Variants in FARP1 observed in about 807,000 individuals in gnomAD.
FARP1 encodes FERM, ARH/RhoGEF and pleckstrin domain protein 1.
Under a neutral mutation model 128.8 loss-of-function variants are expected in FARP1, and 52 were observed. That is an observed-to-expected ratio of 0.40 (90% CI 0.32 to 0.51). FARP1 has a LOEUF of 0.51. FARP1 is among the 20% of genes least tolerant of loss of function. The probability of loss-of-function intolerance (pLI) is 0.45; values close to 1 mark genes in which losing one functional copy is unlikely to be tolerated. For missense variants in FARP1, 1,333 were observed against 1,367.9 expected (o/e 0.97, Z 0.40); for synonymous variants, 580 against 551.8 (o/e 1.05, Z -0.72).
Position 98,448,256 on chromosome 13 carries a change from G to C in FARP1, c.3077G>C (p.Ser1026Thr). 1 of 1,614,072 alleles carries C rather than the reference G, an allele frequency of 6.2e-7. No individual in the cohort carries two copies. The highest frequency in any genetic ancestry group is 8.5e-7 in the Non-Finnish European group (1 of 1,179,928). Residue 1026 changes from serine to threonine, a missense_variant, in exon 27 of 27, where the codon AGT (serine) becomes ACT (threonine). Physicochemically the swap from Ser to Thr is moderately conservative, Grantham distance 58. Around this residue, in one of 2 missense-constraint regions of FARP1, gnomAD observed 1,009 missense variants for 969.8 expected, o/e 1.04. Coordinates refer to ENST00000319562, the MANE Select transcript of FARP1 (RefSeq NM_005766.4). ...TFERWMEVIR[S>T]ATSSASRPHV... The stretch of plus-strand genomic sequence containing the variant: ...TGCAGGTGGATGGAAGTGATCCGCA[G>C]TGCCACCAGCTCTGCCTCGCGACCC...
intron 13 of FARP1, among the ~76,000 whole-genome samples, chr13:98,408,984 A>C (rs1891084292): frequency 6.6e-6 from 1 of 152,232 alleles, no homozygotes; most frequent in Non-Finnish European, 1.5e-5. Flanking sequence ...TCTCATTGTG[A>C]CATAGACACT....
chr13:98,152,638 C>G (rs1186967196), intron 1 of FARP1, among the ~76,000 whole-genome samples: 4 of 152,140 alleles, frequency 2.6e-5, no homozygotes, highest in Non-Finnish European at 5.9e-5. Context: ...TCTCGTCGTA[C>G]TTGAGTTGGG....
intron 2 of FARP1, among the ~76,000 whole-genome samples, chr13:98,226,474 A>G (rs1007557380): frequency 2.3e-5 from 3 of 133,090 alleles, no homozygotes; most frequent in African/African-American, 2.9e-5. Flanking sequence ...TTAGGACTTC[A>G]TCTTTTTTTT....
At chr13:98,395,033 C>A (rs1392021415) in intron 12 of FARP1, among the ~76,000 whole-genome samples, 194 bp from the exon 13 acceptor site, 1 of 152,206 alleles carries the variant, frequency 6.6e-6, no homozygotes, top group East Asian at 1.9e-4. Context: ...TCAGCCGCCA[C>A]GCCCTGAAGG....
At chr13:98,252,829 G>A (rs1883410232) in intron 2 of FARP1, among the ~76,000 whole-genome samples, 1 of 152,166 alleles carries the variant, frequency 6.6e-6, no homozygotes, top group South Asian at 2.1e-4. Context: ...GACCCAGTGA[G>A]CCCCGGTGAT....
At chr13:98,410,902 G>A (rs1891166041) in intron 15 of FARP1, 79 bp downstream of exon 15, 1 of 691,326 alleles carries the variant, frequency 1.4e-6, no homozygotes, top group Admixed American at 2.5e-5. Flanking sequence ...GGAGGCTGGA[G>A]CTAATTAAAT....
At chr13:98,443,056 C>T (rs1321307231) in intron 24 of FARP1, among the ~76,000 whole-genome samples, 1 of 152,256 alleles carries the variant, frequency 6.6e-6, no homozygotes, top group Non-Finnish European at 1.5e-5. Context: ...ATGATCAGGT[C>T]AAGGCACTGA....
At chr13:98,395,610 A>C in intron 13 of FARP1, 134 bp downstream of exon 13, 1 of 1,094,284 alleles carries the variant, frequency 9.1e-7, no homozygotes, top group Non-Finnish European at 1.3e-6. Context: ...CCCGGTCCCA[A>C]ACAAATGACA....
Position 98,178,145 on chromosome 13 carries a change from C to T in FARP1, c.-24+34653C>T, listed in dbSNP as rs1257922255. 2.0e-5 allele frequency among the ~76,000 whole-genome samples: 3 copies of T among 151,854 alleles called. No individual in the cohort carries two copies. In the South Asian group the frequency reaches 6.2e-4, roughly 32 times the overall value. On this transcript the variant is annotated intron_variant, in intron 1 of 26. Coordinates refer to ENST00000319562, the MANE Select transcript of FARP1 (RefSeq NM_005766.4). ...TGGAAATTGGCTGTCCCCTGCCTGG[C>T]CCCTCCACACGCCAATTCCTGGTAC...
intron 2 of FARP1, among the ~76,000 whole-genome samples, chr13:98,319,075 G>T (rs145254058): frequency 0.04 from 5,987 of 149,016 alleles, 207 homozygotes; most frequent in African/African-American, 0.094. Flanking sequence ...CAGTCCTCCC[G>T]CCTCAGCCTC....
intron 2 of FARP1, among the ~76,000 whole-genome samples, chr13:98,261,842 T>C (rs1353366605): frequency 2.6e-5 from 4 of 152,082 alleles, no homozygotes; most frequent in African/African-American, 4.8e-5. Context: ...GGGGAGGGCA[T>C]CAAGCCATTC....
intron 3 of FARP1, among the ~76,000 whole-genome samples, chr13:98,349,674 A>G (rs578157261): frequency 0.019 from 1,310 of 69,200 alleles, 24 homozygotes; most frequent in African/African-American, 0.079. Flanking sequence ...ATCTCAGGGA[A>G]AAAAAAAAAA....
At chr13:98,336,566 C>G (rs1354129001) in intron 2 of FARP1, among the ~76,000 whole-genome samples, 1 of 152,180 alleles carries the variant, frequency 6.6e-6, no homozygotes, top group African/African-American at 2.4e-5. Flanking sequence ...GCCACTGTGC[C>G]CGGCCTAGAA....
In FARP1 at chr13:98,200,802, G is replaced by A. The variant is rs79569420; in HGVS notation, c.-23-12418G>A. Among the ~76,000 whole-genome samples, 744 of 152,236 alleles carry A rather than the reference G, an allele frequency of 4.9e-3. 8 individuals are homozygous for A. The highest frequency in any genetic ancestry group is 0.017 in the African/African-American group (697 of 41,548). On this transcript the variant is annotated intron_variant, in intron 1 of 26. Coordinates refer to ENST00000319562, the MANE Select transcript of FARP1 (RefSeq NM_005766.4). ...TGAGTATTTTTTTCCTAAACCATTG[G>A]ATCAGGAAAGTCTTTCTGGGTGAGG...
At chr13:98,435,882 C>T (rs536465387) in intron 19 of FARP1, 176 bp downstream of exon 19, 35 of 731,100 alleles carry the variant, frequency 4.8e-5, no homozygotes, top group African/African-American at 4.2e-4. Flanking sequence ...TCATTGTGTT[C>T]GGAGGAGATA....
intron 2 of FARP1, among the ~76,000 whole-genome samples, chr13:98,305,501 CTT>C (rs1302678489): frequency 6.6e-6 from 1 of 151,972 alleles, no homozygotes; most frequent in African/African-American, 2.4e-5. Context: ...GCCCAGCTAA[CTT>C]TTGTATTTTT....
intron 1 of FARP1, among the ~76,000 whole-genome samples, chr13:98,181,246 C>T (rs1223196984): frequency 2.0e-5 from 3 of 152,198 alleles, no homozygotes; most frequent in Non-Finnish European, 4.4e-5. Context: ...GTAATTCTGT[C>T]AGCTCACATG....
intron 2 of FARP1, among the ~76,000 whole-genome samples, chr13:98,327,128 G>A (rs376298838): frequency 7.9e-5 from 12 of 152,168 alleles, no homozygotes; most frequent in African/African-American, 2.9e-4. Flanking sequence ...TTCGAATGCT[G>A]TCAAATCATA....
At chr13:98,431,501 G>T in intron 18 of FARP1, 1 of 427,024 alleles carries the variant, frequency 2.3e-6, no homozygotes, top group South Asian at 2.9e-5. Context: ...TCACTCTGTC[G>T]CCCAGGCTGG....
Sources: gnomAD v4.1 joint callset for allele counts (sites outside exome capture counted in the v4.1 genomes callset) on GRCh38, gnomAD v4.1.1 for gene constraint, gnomAD v4.1.1 regional missense constraint, MANE v1.5 for transcripts, NCBI Gene and HGNC (gene_info 2026-07-23, HGNC 2026-07-21) for gene names.